The following CACNA2D2 variants were observed in gnomAD, a reference collection of about 807,000 sequenced individuals.
The protein encoded by CACNA2D2 is calcium voltage-gated channel auxiliary subunit alpha2delta 2, also known as voltage-dependent calcium channel subunit alpha-2/delta-2.
A neutral mutation model predicts 166.4 loss-of-function variants in CACNA2D2; 48 were observed. That is an observed-to-expected ratio of 0.29 (90% confidence interval 0.23 to 0.37). The LOEUF (loss-of-function observed/expected upper bound fraction) is 0.37, where lower values mean the gene tolerates loss of function less well. Ranked by LOEUF, CACNA2D2 falls within the 10% of genes least tolerant of loss-of-function variation. The pLI is 1.00. For missense variants in CACNA2D2, 1,122 were observed against 1,433.0 expected (o/e 0.78, Z 3.50); for synonymous variants, 561 against 573.7 (o/e 0.98, Z 0.32).
At chr3:50,421,512 C>G (rs1440405640) in intron 3 of CACNA2D2, among the ~76,000 whole-genome samples, 1 of 152,056 alleles carries the variant, frequency 6.6e-6, no homozygotes, top group Non-Finnish European at 1.5e-5. Flanking sequence ...TACTAACCTG[C>G]TGGGCCTGGG....
intron 1 of CACNA2D2, among the ~76,000 whole-genome samples, chr3:50,487,388 G>A (rs1698334300): frequency 6.6e-6 from 1 of 152,214 alleles, no homozygotes; most frequent in Non-Finnish European, 1.5e-5. Context: ...TGGCCAGCAG[G>A]GCAGAGCCCC....
intron 2 of CACNA2D2, 139 bp from the exon 3 acceptor site, chr3:50,434,568 G>A (rs1708222257): frequency 4.4e-6 from 3 of 679,152 alleles, no homozygotes; most frequent in Admixed American, 2.4e-5. Context: ...TCTGAGAGAG[G>A]GCATGGAAGG....
At chr3:50,440,726 T>A (rs1204285629) in intron 2 of CACNA2D2, among the ~76,000 whole-genome samples, 4 of 150,514 alleles carry the variant, frequency 2.7e-5, no homozygotes, top group African/African-American at 9.8e-5. Context: ...CCTCCTTACA[T>A]CCCCCTGGAA....
At chr3:50,436,615 G>A (rs2106902311) in intron 2 of CACNA2D2, among the ~76,000 whole-genome samples, 3 of 152,332 alleles carry the variant, frequency 2.0e-5, no homozygotes, top group Admixed American at 2.0e-4. Flanking sequence ...TTAAATGAGA[G>A]AACAGTAGTA....
At chr3:50,389,484 T>C (rs1247695110) in intron 4 of CACNA2D2, among the ~76,000 whole-genome samples, 1 of 152,156 alleles carries the variant, frequency 6.6e-6, no homozygotes, top group African/African-American at 2.4e-5. Flanking sequence ...TCACCCACTT[T>C]TTAGGCAAAC....
chr3:50,393,687 C>CAGGGAAGTCAGGGA (rs566005890), intron 4 of CACNA2D2, among the ~76,000 whole-genome samples: 2 of 152,230 alleles, frequency 1.3e-5, no homozygotes, highest in African/African-American at 2.4e-5. Flanking sequence ...GGTTGCTGTT[C>CAGGGAAGTCAGGGA]AGGGAAGTCA....
intron 2 of CACNA2D2, among the ~76,000 whole-genome samples, chr3:50,461,953 G>A (rs1374899642): frequency 6.6e-6 from 1 of 152,200 alleles, no homozygotes. Flanking sequence ...CCTGGAGCAA[G>A]GTGGAAGGCT....
At chr3:50,445,036 C>A (rs1253820626) in intron 2 of CACNA2D2, among the ~76,000 whole-genome samples, 2 of 152,216 alleles carry the variant, frequency 1.3e-5, no homozygotes, top group African/African-American at 4.8e-5. Context: ...CCTAGATGGG[C>A]CTGTCCACTG....
intron 3 of CACNA2D2, among the ~76,000 whole-genome samples, chr3:50,411,474 T>A (rs1368024439): frequency 1.3e-5 from 2 of 152,192 alleles, no homozygotes; most frequent in African/African-American, 2.4e-5. Context: ...CCAGACACAG[T>A]GCAGCCAATA....
At position 50,365,440 on chromosome 3, in the gene CACNA2D2, C is replaced by T. The variant is rs587771455; in HGVS notation, c.3014G>A (p.Ser1005Asn). 21 of 1,613,684 alleles carry T rather than the reference C, an allele frequency of 1.3e-5. No homozygotes were observed. The East Asian group carries it at 4.2e-4, about 33-fold the overall frequency. Residue 1005 changes from serine (S) to asparagine (N), a missense_variant, in exon 35 of 38, where the codon AGC becomes AAC. By Grantham distance (46) the Ser-to-Asn change is conservative. Transcript: ENST00000424201. This position sits in a 1 kb window ranked among gnomAD's most constrained non-coding sequence, Gnocchi z 4.5. The part of the protein sequence containing the change: ...AEGSPETRES[S>N]CVMKQTQYYF... ...GTACTGGGTCTGTTTCATGACGCAGCTGCTCTCGCGCGTCTCGGGGCTCCC... is the reference window on the plus strand; with the variant it reads ...GTACTGGGTCTGTTTCATGACGCAGTTGCTCTCGCGCGTCTCGGGGCTCCC...
At chr3:50,417,901 G>A (rs1707338877) in intron 3 of CACNA2D2, among the ~76,000 whole-genome samples, 2 of 152,222 alleles carry the variant, frequency 1.3e-5, no homozygotes, top group Admixed American at 1.3e-4. Context: ...TAGACACTTA[G>A]TGTGTACGTG....
chr3:50,374,701 A>C (rs1479185575), intron 22 of CACNA2D2, 36 bp downstream of exon 22: 2 of 1,566,518 alleles, frequency 1.3e-6, no homozygotes, highest in Non-Finnish European at 1.7e-6. Context: ...GGGCAGAGGC[A>C]GGGTGCAGGG....
At chr3:50,458,501 C>A (rs1458718415) in intron 2 of CACNA2D2, among the ~76,000 whole-genome samples, 1 of 152,190 alleles carries the variant, frequency 6.6e-6, no homozygotes, top group Non-Finnish European at 1.5e-5. Flanking sequence ...CCAGCCCGGG[C>A]TTGCCTACCC....
Position 50,375,857 on chromosome 3 carries a change from G to A in CACNA2D2, c.1797C>T (p.Gly599=). 4 of 1,613,016 alleles carry A rather than the reference G, an allele frequency of 2.5e-6. No individual in the cohort carries two copies. Among genetic ancestry groups the A allele is most frequent in the Non-Finnish European group, 3.4e-6 (4 of 1,180,002 alleles). Residue 599 remains glycine (G), a synonymous_variant, in exon 20 of 38, where the codon GGC becomes GGT. Coordinates refer to ENST00000424201, the MANE Select transcript of CACNA2D2 (RefSeq NM_006030.4). This position sits in a 1 kb window ranked among gnomAD's most constrained non-coding sequence, Gnocchi z 4.0. The stretch of plus-strand genomic sequence containing the variant: ...TTCTGATCTGCTTGTGGCCCTTGTT[G>A]CCATCAATCATGCTCCGACGGATCT... ...KEEIRRSMID[G]NKGHKQIRTL... is the part of the protein sequence containing the mutation.
chr3:50,364,694 A>G lies in CACNA2D2; in HGVS notation c.3404T>C (p.Val1135Ala), dbSNP rs1477373385. The stretch of plus-strand genomic sequence containing the variant: ...GAGGCGGCGAGAGGCGTGGACGAGG[A>G]CTTGAGGCTGCGGCCGGGGCGGCAG... ...LGLPPRPQPQ[V>A]LVHASRRL Residue 1135 changes from valine to alanine, a missense_variant, in exon 38 of 38, where the codon GTC becomes GCC. By Grantham distance (64) the Val-to-Ala change is moderately conservative. Transcript: ENST00000424201. 1 of 1,542,766 alleles carries G rather than the reference A, an allele frequency of 6.5e-7. No individual in the cohort carries two copies. Among genetic ancestry groups the G allele is most frequent in the Admixed American group, 2.0e-5 (1 of 49,830 alleles).
chr3:50,455,071 C>T (rs955202163), intron 2 of CACNA2D2, among the ~76,000 whole-genome samples: 3 of 152,272 alleles, frequency 2.0e-5, no homozygotes, highest in Non-Finnish European at 2.9e-5. Flanking sequence ...GAGGCTGATT[C>T]CACTCCAAAA....
intron 3 of CACNA2D2, 101 bp downstream of exon 3, chr3:50,434,212 G>A: frequency 2.5e-6 from 2 of 788,174 alleles, no homozygotes; most frequent in South Asian, 3.2e-5. Flanking sequence ...AACTCAGGAG[G>A]GCCACGTGAT....
At chr3:50,398,213 A>G (rs1706258350) in intron 3 of CACNA2D2, among the ~76,000 whole-genome samples, 1 of 152,018 alleles carries the variant, frequency 6.6e-6, no homozygotes, top group South Asian at 2.1e-4. Context: ...CCTGACCCCA[A>G]GTGCCTGTCC....
chr3:50,374,864 G>T, intron 21 of CACNA2D2, 51 bp from the exon 22 acceptor site: 1 of 1,419,612 alleles, frequency 7.0e-7, no homozygotes, highest in Non-Finnish European at 9.7e-7. Flanking sequence ...GGCCACACTG[G>T]CACCCCCTCC....
Sources: gnomAD v4.1 joint callset for allele counts (sites outside exome capture counted in the v4.1 genomes callset) on GRCh38, gnomAD v4.1.1 for gene constraint, Gnocchi (gnomAD v3.1) non-coding constraint, MANE v1.5 for transcripts, NCBI Gene and HGNC (gene_info 2026-07-23, HGNC 2026-07-21) for gene names.